Variants in RAB7A observed in about 807,000 individuals in gnomAD.
RAB7A encodes ras-related protein Rab-7a.
RAB7A carries 2 observed loss-of-function variants against 24.5 expected under a neutral mutation model. The observed-to-expected ratio is 0.08, with a 90% CI of 0.03 to 0.26. The LOEUF (loss-of-function observed/expected upper bound fraction) is 0.26. RAB7A is among the 10% of genes least tolerant of loss of function. RAB7A has a pLI of 1.00. For missense variants in RAB7A, 118 were observed against 255.7 expected (o/e 0.46, Z 3.67); for synonymous variants, 100 against 95.9 (o/e 1.04, Z -0.25).
chr3:128,808,033 G>T (rs374659304), intron 5 of RAB7A, among the ~76,000 whole-genome samples: 1 of 152,062 alleles, frequency 6.6e-6, no homozygotes, highest in Non-Finnish European at 1.5e-5. Flanking sequence ...GCTCTGCTGC[G>T]TACCAATCGT....
chr3:128,787,364 T>G (rs1224629553), intron 1 of RAB7A, among the ~76,000 whole-genome samples: 2 of 152,244 alleles, frequency 1.3e-5, no homozygotes, highest in Admixed American at 1.3e-4. Context: ...ACAGTAGTTG[T>G]AGACTCTTCA....
chr3:128,811,732 C>A (rs1559798829), intron 5 of RAB7A, among the ~76,000 whole-genome samples: 1 of 151,826 alleles, frequency 6.6e-6, no homozygotes, highest in East Asian at 1.9e-4. Context: ...GCTTATAGTT[C>A]CAGCTACTTG....
chr3:128,763,513 G>A lies in RAB7A; in HGVS notation c.-8-31847G>A, dbSNP rs374732407. Among the ~76,000 whole-genome samples the A allele has an allele frequency of 2.2e-4, 33 of 152,136 alleles. No individual in the cohort carries two copies. In the East Asian group the frequency reaches 5.0e-3, roughly 23 times the overall value. ...ATTACAGGCGTGAGCCACCAAGCCCGGCCTAGCTTATATATTTTTGACAAG... is the reference window on the plus strand; with the variant it reads ...ATTACAGGCGTGAGCCACCAAGCCCAGCCTAGCTTATATATTTTTGACAAG... On this transcript the variant is annotated intron_variant, in intron 1 of 5. Coordinates refer to ENST00000265062, the MANE Select transcript of RAB7A (RefSeq NM_004637.6).
chr3:128,763,769 T>C (rs181711731), intron 1 of RAB7A, among the ~76,000 whole-genome samples: 4 of 152,214 alleles, frequency 2.6e-5, no homozygotes, highest in Admixed American at 1.3e-4. Context: ...CTGGTGATGT[T>C]TACCTGAATC....
chr3:128,767,395 C>G (rs1488475287), intron 1 of RAB7A, among the ~76,000 whole-genome samples: 1 of 152,172 alleles, frequency 6.6e-6, no homozygotes, highest in East Asian at 1.9e-4. Flanking sequence ...AGGAATTAGC[C>G]CAAGGAGCTT....
intron 1 of RAB7A, among the ~76,000 whole-genome samples, chr3:128,753,830 A>C (rs2070707951): frequency 6.6e-6 from 1 of 152,054 alleles, no homozygotes; most frequent in Admixed American, 6.5e-5. Flanking sequence ...GTAGAGATGG[A>C]GTCTCACTGT....
At chr3:128,747,593 AAATGAAATGAAAT>A (rs2070631009) in intron 1 of RAB7A, among the ~76,000 whole-genome samples, 1 of 151,486 alleles carries the variant, frequency 6.6e-6, no homozygotes, top group South Asian at 2.1e-4. Flanking sequence ...TGAAATAATG[AAATGAAATGAAAT>A]AAAGAAATGA....
chr3:128,728,769 G>C (rs530946719), intron 1 of RAB7A, among the ~76,000 whole-genome samples: 3 of 152,246 alleles, frequency 2.0e-5, no homozygotes, highest in Non-Finnish European at 4.4e-5. Flanking sequence ...GGCCGACTCT[G>C]GTAGCATTTT....
At chr3:128,780,760 TG>T (rs1441982974) in intron 1 of RAB7A, among the ~76,000 whole-genome samples, 1 of 152,120 alleles carries the variant, frequency 6.6e-6, no homozygotes, top group African/African-American at 2.4e-5. Flanking sequence ...GGATCATGAG[TG>T]GTAACCCATG....
chr3:128,761,369 C>T (rs1033549779), intron 1 of RAB7A, among the ~76,000 whole-genome samples: 3 of 152,086 alleles, frequency 2.0e-5, no homozygotes, highest in African/African-American at 7.2e-5. Context: ...GTCCTCTATA[C>T]CCCCCCATCC....
chr3:128,765,545 C>G (rs1371381987), intron 1 of RAB7A, among the ~76,000 whole-genome samples: 1 of 152,146 alleles, frequency 6.6e-6, no homozygotes, highest in Non-Finnish European at 1.5e-5. Context: ...GTTTATTGCC[C>G]ACAGTTTGGA....
intron 3 of RAB7A, among the ~76,000 whole-genome samples, chr3:128,803,038 G>A (rs1315922350): frequency 3.9e-5 from 6 of 152,036 alleles, no homozygotes; most frequent in Admixed American, 6.5e-5. Context: ...TCGAACTGCC[G>A]ACCTCAGGTG....
chr3:128,745,170 G>A (rs373443052), intron 1 of RAB7A, among the ~76,000 whole-genome samples: 1 of 151,952 alleles, frequency 6.6e-6, no homozygotes, highest in Non-Finnish European at 1.5e-5. Flanking sequence ...TGCCGCGCCC[G>A]GCTGAAGTCA....
intron 1 of RAB7A, among the ~76,000 whole-genome samples, chr3:128,745,585 C>T (rs1425496251): frequency 1.3e-5 from 2 of 152,076 alleles, no homozygotes; most frequent in African/African-American, 2.4e-5. Context: ...AGGCTGGTCT[C>T]GAATTCCTGA....
rs911104929 is a variant in RAB7A at position 128,777,799 on chromosome 3, G to A, written c.-8-17561G>A. The stretch of plus-strand genomic sequence containing the variant: ...TGCAGTGGCGCGATCTTGGCTCATT[G>A]CAACCTCTGCCTCCCGGGTTCAAGC... On this transcript the variant is annotated intron_variant, in intron 1 of 5. Transcript: ENST00000265062. 5.3e-5 allele frequency among the ~76,000 whole-genome samples: 8 copies of A among 152,162 alleles called. No homozygotes were observed. The East Asian group carries it at 5.8e-4, about 11-fold the overall frequency.
rs1382354986 is a variant in RAB7A at position 128,755,397 on chromosome 3, TA to T, written c.-9+29045del. On this transcript the variant is annotated intron_variant, in intron 1 of 5. Transcript: ENST00000265062. ...AATTTACAGCTATAAATGCCTTCAT[TA>T]AAAAAAGGATGAAGATCTCAAATCA... 5.3e-5 allele frequency among the ~76,000 whole-genome samples: 8 copies of T among 152,084 alleles called. No homozygotes were observed. The East Asian group carries it at 1.5e-3, about 29-fold the overall frequency.
At chr3:128,743,681 A>C (rs2070579228) in intron 1 of RAB7A, among the ~76,000 whole-genome samples, 1 of 152,212 alleles carries the variant, frequency 6.6e-6, no homozygotes, top group Non-Finnish European at 1.5e-5. Flanking sequence ...GGCTGGGTGC[A>C]GTGGCTCATG....
At chr3:128,752,080 A>G (rs1428554034) in intron 1 of RAB7A, among the ~76,000 whole-genome samples, 2 of 151,888 alleles carry the variant, frequency 1.3e-5, no homozygotes, top group South Asian at 2.1e-4. Flanking sequence ...TAAATTGCCC[A>G]GTCTTGGGTA....
At chr3:128,733,440 T>C (rs2107582281) in intron 1 of RAB7A, among the ~76,000 whole-genome samples, 1 of 152,318 alleles carries the variant, frequency 6.6e-6, no homozygotes, top group East Asian at 1.9e-4. Flanking sequence ...GTAAAAAGAC[T>C]GAGTTTTAGG....
Sources: allele counts gnomAD v4.1 joint callset (sites outside exome capture counted in the v4.1 genomes callset), GRCh38; gene constraint gnomAD v4.1.1; transcripts MANE v1.5; gene names NCBI Gene and HGNC (gene_info 2026-07-23, HGNC 2026-07-21).